Variants in CDH18 observed in about 807,000 individuals in gnomAD.
CDH18 encodes cadherin 18, also known as cadherin-18.
CDH18 carries 31 observed loss-of-function variants against 67.9 expected under a neutral mutation model. The ratio of observed to expected loss-of-function variants is 0.46; its 90% CI spans 0.34 to 0.62. The LOEUF is 0.62. Among genes scored for constraint, CDH18 ranks in the 20% least tolerant of loss-of-function variants. CDH18 has a pLI of 0.01. For synonymous variants in CDH18, 362 were observed against 347.2 expected, an observed-to-expected ratio of 1.04 and a Z score of -0.48; for missense variants, 890 against 975.5, an observed-to-expected ratio of 0.91 and a Z score of 1.17.
intron 2 of CDH18, among the ~76,000 whole-genome samples, chr5:19,999,957 A>G (rs897442859): frequency 2.6e-5 from 4 of 152,188 alleles, no homozygotes; most frequent in African/African-American, 9.6e-5. Context: ...GTTCTTTCAG[A>G]TTCATATAGT....
intron 2 of CDH18, among the ~76,000 whole-genome samples, chr5:20,036,170 A>G (rs1250763958): frequency 6.6e-6 from 1 of 152,066 alleles, no homozygotes; most frequent in Non-Finnish European, 1.5e-5. Flanking sequence ...CAGAAAGTGT[A>G]TCCAAAGGGT....
intron 2 of CDH18, among the ~76,000 whole-genome samples, chr5:19,845,740 T>C (rs185257459): frequency 9.0e-4 from 137 of 152,154 alleles, no homozygotes; most frequent in African/African-American, 3.2e-3. Flanking sequence ...TTAATACATT[T>C]ATAATTATAT....
chr5:19,566,082 C>G (rs1360946200), intron 8 of CDH18, among the ~76,000 whole-genome samples: 1 of 152,028 alleles, frequency 6.6e-6, no homozygotes, highest in East Asian at 1.9e-4. Flanking sequence ...AGACATTTCT[C>G]AAAAGATGAC....
Position 19,916,465 on chromosome 5 carries a change from C to G in CDH18, c.-257+64595G>C, listed in dbSNP as rs1303816289. Among the ~76,000 whole-genome samples the G allele has an allele frequency of 3.9e-5, 6 of 152,278 alleles. No homozygotes were observed. In the East Asian group the frequency reaches 7.7e-4, roughly 20 times the overall value. The stretch of plus-strand genomic sequence containing the variant: ...ACTACAGCCTGTGGATCCACAGTCA[C>G]ACCAAAAGCCAACTTCATCCTCCTC... On this transcript the variant is annotated intron_variant, in intron 2 of 12. Coordinates refer to ENST00000382275, the MANE Select transcript of CDH18 (RefSeq NM_004934.5).
intron 2 of CDH18, among the ~76,000 whole-genome samples, chr5:19,950,629 T>C (rs1269107599): frequency 2.0e-5 from 3 of 152,148 alleles, no homozygotes; most frequent in Admixed American, 1.3e-4. Context: ...CCAAATTTTG[T>C]CTTCTTACTG....
At chr5:19,590,861 C>G (rs2150024860) in intron 7 of CDH18, among the ~76,000 whole-genome samples, 196 bp downstream of exon 7, 1 of 152,172 alleles carries the variant, frequency 6.6e-6, no homozygotes, top group East Asian at 1.9e-4. Context: ...GATCTTCCCA[C>G]CGCAGCAAAA....
At chr5:19,547,425 A>G (rs190022340) in intron 8 of CDH18, among the ~76,000 whole-genome samples, 1 of 152,336 alleles carries the variant, frequency 6.6e-6, no homozygotes, top group African/African-American at 2.4e-5. Flanking sequence ...TTGTAGTGCT[A>G]TAGATCCCTA....
At chr5:19,808,563 C>T (rs188437585) in intron 3 of CDH18, among the ~76,000 whole-genome samples, 145 of 152,054 alleles carry the variant, frequency 9.5e-4, no homozygotes, top group African/African-American at 3.3e-3. Flanking sequence ...CGGTGGCTCA[C>T]GCTTATAATC....
intron 5 of CDH18, among the ~76,000 whole-genome samples, chr5:19,639,911 G>A (rs1011249132): frequency 2.0e-5 from 3 of 152,150 alleles, no homozygotes; most frequent in Non-Finnish European, 4.4e-5. Context: ...TTACCATAAG[G>A]CTATCAATGT....
intron 4 of CDH18, among the ~76,000 whole-genome samples, chr5:19,741,501 T>A (rs1769210852): frequency 6.6e-6 from 1 of 152,138 alleles, no homozygotes; most frequent in African/African-American, 2.4e-5. Context: ...CTTCCTTTTA[T>A]GGGTGCAAAT....
In CDH18 at chr5:20,559,495, A is replaced by C. The variant is rs993844612; in HGVS notation, c.-580+15967T>G. Among the ~76,000 whole-genome samples the C allele has an allele frequency of 3.3e-5, 5 of 152,244 alleles. No individual in the cohort carries two copies. In the South Asian group the frequency reaches 1.0e-3, roughly 32 times the overall value. ...TGGTATATAATGTAGCACTTGTTTT[A>C]GACAGTTCCAAAAGTACTCAATTTT... On this transcript the variant is annotated intron_variant, in intron 1 of 14. Coordinates refer to the CDH18 transcript ENST00000507958.
intron 2 of CDH18, among the ~76,000 whole-genome samples, chr5:20,120,861 G>C (rs910438461): frequency 6.6e-6 from 1 of 152,112 alleles, no homozygotes; most frequent in Admixed American, 6.5e-5. Context: ...AGTTTCAAAT[G>C]ATTAGCATCT....
rs377418418 is a variant in CDH18 at position 20,214,585 on chromosome 5, A to G, written c.-518+40859T>C. On this transcript the variant is annotated intron_variant, in intron 2 of 14. Transcript: ENST00000507958. Reference sequence around the variant, plus strand: ...AAAGCTGACCAAAGCTGACAAAGCAATAGGGAAAGGACTCCCTAGTCAATA... The same window carrying G: ...AAAGCTGACCAAAGCTGACAAAGCAGTAGGGAAAGGACTCCCTAGTCAATA... 4.3e-4 allele frequency among the ~76,000 whole-genome samples: 65 copies of G among 152,188 alleles called. 1 individual carries two copies. In the South Asian group the frequency reaches 1.0e-2, roughly 23 times the overall value.
At chr5:19,538,477 C>A (rs1444398338) in intron 9 of CDH18, among the ~76,000 whole-genome samples, 2 of 152,144 alleles carry the variant, frequency 1.3e-5, no homozygotes, top group Non-Finnish European at 2.9e-5. Context: ...AGGTCCCTGA[C>A]CATACTCATA....
At position 19,791,738 on chromosome 5, in the gene CDH18, T is replaced by C. The variant is rs760577454; in HGVS notation, c.229-44502A>G. Reference sequence around the variant, plus strand: ...TAATTATCTGACACAAACAGTGCTCTATTTTTATTTTCCATTTCAAACTCC... The same window carrying C: ...TAATTATCTGACACAAACAGTGCTCCATTTTTATTTTCCATTTCAAACTCC... On this transcript the variant is annotated intron_variant, in intron 3 of 12. Transcript: ENST00000382275. Among the ~76,000 whole-genome samples, 4 of 152,228 alleles carry C rather than the reference T, an allele frequency of 2.6e-5. No individual in the cohort carries two copies. The South Asian group carries it at 8.3e-4, about 31-fold the overall frequency.
At chr5:19,676,219 C>A (rs1325619052) in intron 5 of CDH18, among the ~76,000 whole-genome samples, 1 of 152,010 alleles carries the variant, frequency 6.6e-6, no homozygotes, top group African/African-American at 2.4e-5. Flanking sequence ...AAATCTACGA[C>A]TCATTGGCAT....
At chr5:20,554,021 T>C (rs757837940) in intron 1 of CDH18, among the ~76,000 whole-genome samples, 11 of 152,216 alleles carry the variant, frequency 7.2e-5, no homozygotes, top group Admixed American at 1.3e-4. Flanking sequence ...ATTAGGACTC[T>C]ATAAATTTTC....
intron 2 of CDH18, among the ~76,000 whole-genome samples, chr5:20,043,646 T>C (rs2150477229): frequency 1.3e-5 from 2 of 152,314 alleles, no homozygotes; most frequent in African/African-American, 4.8e-5. Context: ...TAGGTAGTCA[T>C]GTTGCCAGGC....
Position 20,049,827 on chromosome 5 carries a change from AGAG to A in CDH18, c.-517-57816_-517-57814del, listed in dbSNP as rs199687124. Among the ~76,000 whole-genome samples, 1,258 of 151,972 alleles carry A rather than the reference AGAG, an allele frequency of 8.3e-3. 12 individuals are homozygous for A. Among genetic ancestry groups the A allele is most frequent in the Non-Finnish European group, 0.012 (847 of 67,798 alleles). On this transcript the variant is annotated intron_variant, in intron 2 of 14. Coordinates refer to the CDH18 transcript ENST00000507958. ...AAAGCTTACCAAATGGAAATGAAGA[AGAG>A]AACTGGACAGGAAGCCAGAATGAGT...
Sources: allele counts gnomAD v4.1 joint callset (sites outside exome capture counted in the v4.1 genomes callset), GRCh38; gene constraint gnomAD v4.1.1; transcripts MANE v1.5; gene names NCBI Gene and HGNC (gene_info 2026-07-23, HGNC 2026-07-21).